The following MCF2L variants were observed in gnomAD, a reference collection of about 807,000 sequenced individuals.
The protein encoded by MCF2L is MCF.2 cell line derived transforming sequence like, also known as guanine nucleotide exchange factor DBS.
A neutral mutation model predicts 153.4 loss-of-function variants in MCF2L; 97 were observed. The observed-to-expected ratio is 0.63, with a 90% CI of 0.54 to 0.75. The LOEUF is 0.75. MCF2L is among the 30% of genes least tolerant of loss of function. The probability of loss-of-function intolerance (pLI) is 0.00; values close to 1 mark genes in which losing one functional copy is unlikely to be tolerated. For synonymous variants in MCF2L, 659 were observed against 632.2 expected (o/e 1.04, Z -0.64); for missense variants, 1,347 against 1,495.2 (o/e 0.90, Z 1.64).
chr13:112,968,972 C>CA (rs965386810), upstream of MCF2L: 2 of 436,192 alleles, frequency 4.6e-6, no homozygotes, highest in African/African-American at 4.1e-5. Flanking sequence ...ACACAGGTGA[C>CA]ACTTCCAGGT....
At chr13:112,968,825 C>T, upstream of MCF2L, 1 of 1,286,264 alleles carries the variant, frequency 7.8e-7, no homozygotes, top group Non-Finnish European at 1.0e-6. Flanking sequence ...GACCCGGAAC[C>T]GGGGGGAAGG....
Position 112,981,342 on chromosome 13 carries a change from G to A in MCF2L, c.79+11884G>A, listed in dbSNP as rs1424091007. Among the ~76,000 whole-genome samples, 11 of 152,210 alleles carry A rather than the reference G, an allele frequency of 7.2e-5. No homozygotes were observed. In the East Asian group the frequency reaches 1.5e-3, roughly 21 times the overall value. The stretch of plus-strand genomic sequence containing the variant: ...AACTTGTCCCTGTAACTCTCACAGC[G>A]ACAGGGCCTCTCTGCGGTGGCAGTG... On this transcript the variant is annotated intron_variant, in intron 1 of 29. Transcript: ENST00000535094.
Position 113,045,230 on chromosome 13 carries a change from C to A in MCF2L, c.279-41C>A, listed in dbSNP as rs2086735657. On this transcript the variant is annotated intron_variant, in intron 3 of 29. Transcript: ENST00000535094. The surrounding 1 kb of genome is among the most constrained non-coding windows in gnomAD (Gnocchi z 4.2). ...GGGATTTCGTGGGCAGCCGGCTTCCCACCTGCACACATTAACGGCGGCGTC... is the reference window on the plus strand; with the variant it reads ...GGGATTTCGTGGGCAGCCGGCTTCCAACCTGCACACATTAACGGCGGCGTC... 6.6e-7 allele frequency: 1 copy of A among 1,515,772 alleles called. No homozygotes were observed. The highest frequency in any genetic ancestry group is 9.2e-7 in the Non-Finnish European group (1 of 1,090,636). The allele number at this position is 1,515,772 out of a possible 1,614,324, so 93.9% of individuals were successfully genotyped here.
chr13:113,020,522 C>T (rs1426156457), intron 2 of MCF2L, among the ~76,000 whole-genome samples: 1 of 152,198 alleles, frequency 6.6e-6, no homozygotes, highest in South Asian at 2.1e-4. Context: ...GCAGGAAGTC[C>T]CGGATGAAGG....
At chr13:113,083,648 G>C (rs1234416971) in intron 17 of MCF2L, among the ~76,000 whole-genome samples, 2 of 152,336 alleles carry the variant, frequency 1.3e-5, no homozygotes, top group African/African-American at 4.8e-5. Context: ...AGAACCCACA[G>C]ACCCACGGCC....
intron 1 of MCF2L, among the ~76,000 whole-genome samples, chr13:113,002,931 G>A (rs2083462113): frequency 6.6e-6 from 1 of 151,904 alleles, no homozygotes; most frequent in South Asian, 2.1e-4. Context: ...CACTTTGGGA[G>A]GCCAAGGCTA....
Position 113,065,079 on chromosome 13 carries a change from G to A in MCF2L, c.750G>A (p.Lys250=). The change falls in exon 7 of 30, where the codon AAG becomes AAA. Residue 250 remains lysine (K), a synonymous_variant. Coordinates refer to ENST00000535094, the MANE Select transcript of MCF2L (RefSeq NM_001112732.3). ...GTGCGCACACAGAGAAGAAGGACAA[G>A]GCGAAGGTACATGGGGGGTGCTCCG... is the stretch of plus-strand genomic sequence containing the variant. ...VLCAHTEKKD[K]AKEDLRLALK... is the part of the protein sequence containing the mutation. The A allele has an allele frequency of 6.2e-7, 1 of 1,607,324 alleles. No homozygotes were observed. The highest frequency in any genetic ancestry group is 8.5e-7 in the Non-Finnish European group (1 of 1,177,610).
chr13:113,009,109 G>A (rs2083911866), intron 1 of MCF2L: 1 of 152,290 alleles, frequency 6.6e-6, no homozygotes, highest in South Asian at 2.1e-4. Flanking sequence ...AGGGCGTCCG[G>A]AGGGTTCTGC....
rs781235247 is a variant in MCF2L, at chr13:113,044,707, G to C, written c.279-564G>C. 4 of 1,612,924 alleles carry C rather than the reference G, an allele frequency of 2.5e-6. No individual in the cohort carries two copies. The Admixed American group carries it at 6.7e-5, about 27-fold the overall frequency. On this transcript the variant is annotated intron_variant, in intron 3 of 29. Coordinates refer to ENST00000535094, the MANE Select transcript of MCF2L (RefSeq NM_001112732.3). ...GAGGCTGTCGTTATACAACGCGCAA[G>C]TGTGGTCTCTGTCACAGATGTGGCT...
At chr13:113,038,076 T>C (rs2086255447) in intron 3 of MCF2L, among the ~76,000 whole-genome samples, 1 of 152,200 alleles carries the variant, frequency 6.6e-6, no homozygotes, top group South Asian at 2.1e-4. Flanking sequence ...TAGATATCAC[T>C]TATAATCACA....
At chr13:112,982,373 T>C (rs539201556) in intron 1 of MCF2L, among the ~76,000 whole-genome samples, 26 of 152,258 alleles carry the variant, frequency 1.7e-4, no homozygotes, top group Non-Finnish European at 3.5e-4. Context: ...GCCGCATCCA[T>C]GGGGCCTGGA....
chr13:112,945,896 C>T (rs1168054254), intron 2 of MCF2L, among the ~76,000 whole-genome samples: 1 of 152,114 alleles, frequency 6.6e-6, no homozygotes, highest in African/African-American at 2.4e-5. Flanking sequence ...GTGCCGTGTA[C>T]TTTATTCTTC....
chr13:112,919,228 C>T (rs1404451891), intron 2 of MCF2L, among the ~76,000 whole-genome samples: 5 of 92,902 alleles, frequency 5.4e-5, no homozygotes, highest in Non-Finnish European at 8.3e-5. Flanking sequence ...TTTTTTGAGA[C>T]GGAGTCTTGC....
intron 2 of MCF2L, among the ~76,000 whole-genome samples, chr13:112,919,494 C>A (rs568230718): frequency 1.3e-5 from 2 of 152,028 alleles, no homozygotes; most frequent in African/African-American, 2.4e-5. Flanking sequence ...CGTGAGCCAC[C>A]GCGCCCGGCC....
intron 26 of MCF2L, chr13:113,090,127 C>T (rs4907588): frequency 0.11 from 175,121 of 1,545,830 alleles, 10,913 homozygotes; most frequent in East Asian, 0.23. Flanking sequence ...GCGCTTTACC[C>T]TGCAGGGTTT....
intron 2 of MCF2L, among the ~76,000 whole-genome samples, chr13:113,023,208 A>G (rs2085008222): frequency 6.6e-6 from 1 of 152,212 alleles, no homozygotes; most frequent in Non-Finnish European, 1.5e-5. Context: ...TGAGCCCTCA[A>G]AGGAGGTTAG....
chr13:113,056,862 G>A (rs992443479), intron 4 of MCF2L, among the ~76,000 whole-genome samples: 14 of 124,848 alleles, frequency 1.1e-4, no homozygotes, highest in African/African-American at 3.9e-4. Context: ...GTGTTTCGGC[G>A]CTGAGTGGGT....
intron 2 of MCF2L, among the ~76,000 whole-genome samples, chr13:113,015,502 C>T (rs1457057229): frequency 2.0e-5 from 3 of 152,148 alleles, no homozygotes; most frequent in African/African-American, 7.2e-5. Context: ...GAGGAGGGTG[C>T]CCCGATGCCG....
At chr13:113,003,328 G>C (rs1402868884) in intron 1 of MCF2L, among the ~76,000 whole-genome samples, 2 of 151,398 alleles carry the variant, frequency 1.3e-5, no homozygotes, top group Non-Finnish European at 2.9e-5. Context: ...TGGGTTATGG[G>C]GTTGGCTGTG....
Sources: gnomAD v4.1 joint callset for allele counts (sites outside exome capture counted in the v4.1 genomes callset) on GRCh38, gnomAD v4.1.1 for gene constraint, Gnocchi (gnomAD v3.1) non-coding constraint, MANE v1.5 for transcripts, NCBI Gene and HGNC (gene_info 2026-07-23, HGNC 2026-07-21) for gene names.